Variants in KHDRBS2 observed in about 807,000 individuals in gnomAD.
KHDRBS2 encodes the protein KH RNA binding domain containing, signal transduction associated 2.
In KHDRBS2, 26 loss-of-function variants were observed where a neutral mutation model predicts 44.3. That is an observed-to-expected ratio of 0.59 (90% CI 0.43 to 0.81). KHDRBS2 has a LOEUF of 0.81. Ranked by LOEUF, KHDRBS2 falls within the 40% of genes least tolerant of loss-of-function variation. The probability of loss-of-function intolerance (pLI) is 0.00; values close to 1 mark genes in which losing one functional copy is unlikely to be tolerated. For synonymous variants in KHDRBS2, 194 were observed against 151.1 expected (o/e 1.28, Z -2.08); for missense variants, 476 against 433.1 (o/e 1.10, Z -0.88).
At chr6:61,546,342 G>A in the KHDRBS2 span, among the ~76,000 whole-genome samples, 26 of 151,948 alleles carry the variant, frequency 1.7e-4, no homozygotes, top group South Asian at 5.4e-3. Context: ...ATAACCACAG[G>A]TTATTGTGCT....
At chr6:61,775,894 T>C (rs1370462485) in intron 6 of KHDRBS2, among the ~76,000 whole-genome samples, 3 of 152,144 alleles carry the variant, frequency 2.0e-5, no homozygotes, top group Non-Finnish European at 2.9e-5. Context: ...TCAAATATAC[T>C]ACAAGGCCAC....
At chr6:62,103,539 C>T (rs1197278963) in intron 2 of KHDRBS2, among the ~76,000 whole-genome samples, 3 of 147,530 alleles carry the variant, frequency 2.0e-5, no homozygotes, top group Middle Eastern at 6.8e-3. Flanking sequence ...AAGCAGGGAG[C>T]TTCCCGCCCC....
At chr6:61,947,913 AAATAATAATAATAATAATAATAATAAT>A (rs56372678) in intron 4 of KHDRBS2, among the ~76,000 whole-genome samples, 3 of 143,216 alleles carry the variant, frequency 2.1e-5, no homozygotes, top group Non-Finnish European at 4.5e-5. Flanking sequence ...CACACACACA[AAATAATAATAATAATAATAATAATAAT>A]AATAATAATA....
At chr6:61,954,486 CGT>C (rs1562510196) in intron 4 of KHDRBS2, among the ~76,000 whole-genome samples, 3 of 127,696 alleles carry the variant, frequency 2.3e-5, no homozygotes, top group African/African-American at 9.4e-5. Flanking sequence ...TATACACATG[CGT>C]ATGTATGTAT....
chr6:61,783,535 A>C (rs995385313), intron 6 of KHDRBS2, among the ~76,000 whole-genome samples: 15 of 152,274 alleles, frequency 9.9e-5, no homozygotes, highest in African/African-American at 2.9e-4. Flanking sequence ...GATAAAAAAG[A>C]CATAGCTCCT....
chr6:62,127,072 T>C (rs1288016520), intron 2 of KHDRBS2, among the ~76,000 whole-genome samples: 1 of 152,198 alleles, frequency 6.6e-6, no homozygotes, highest in Non-Finnish European at 1.5e-5. Flanking sequence ...ATTGTCTTAC[T>C]CTCACCAACT....
intron 3 of KHDRBS2, among the ~76,000 whole-genome samples, chr6:62,014,382 A>G (rs1349576637): frequency 1.3e-5 from 2 of 152,130 alleles, no homozygotes; most frequent in South Asian, 2.1e-4. Context: ...TTAAAACCCA[A>G]TCTTTTGATT....
chr6:62,010,796 T>C (rs1780158333), intron 3 of KHDRBS2, among the ~76,000 whole-genome samples: 1 of 152,210 alleles, frequency 6.6e-6, no homozygotes, highest in Non-Finnish European at 1.5e-5. Context: ...CTGTTAAATA[T>C]TTTAATGAAA....
At chr6:61,632,641 C>T in the KHDRBS2 span, among the ~76,000 whole-genome samples, 1 of 152,054 alleles carries the variant, frequency 6.6e-6, no homozygotes, top group Non-Finnish European at 1.5e-5. Context: ...ATATGTAATT[C>T]TGTTGTTGCC....
intron 6 of KHDRBS2, among the ~76,000 whole-genome samples, chr6:61,760,662 A>G (rs541985292): frequency 1.8e-3 from 268 of 152,278 alleles, no homozygotes; most frequent in African/African-American, 5.9e-3. Context: ...AGAAAAAAAA[A>G]GAAAAGCCAT....
chr6:62,273,476 T>G (rs1271692960), intron 1 of KHDRBS2, among the ~76,000 whole-genome samples: 1 of 152,200 alleles, frequency 6.6e-6, no homozygotes, highest in African/African-American at 2.4e-5. Context: ...AAATACCCTA[T>G]TTACCCGATA....
At chr6:62,067,701 T>A (rs1295115556) in intron 2 of KHDRBS2, among the ~76,000 whole-genome samples, 22 of 151,598 alleles carry the variant, frequency 1.5e-4, no homozygotes, top group Non-Finnish European at 1.5e-5. Flanking sequence ...AAGTCCTCTG[T>A]AAAAAAATCC....
chr6:61,858,288 C>T (rs570841122), intron 6 of KHDRBS2, among the ~76,000 whole-genome samples: 28 of 150,680 alleles, frequency 1.9e-4, no homozygotes, highest in African/African-American at 5.8e-4. Flanking sequence ...AACATTTTTC[C>T]GTATTATGCA....
intron 7 of KHDRBS2, among the ~76,000 whole-genome samples, chr6:61,700,208 T>C (rs1379791202): frequency 1.3e-5 from 2 of 151,830 alleles, no homozygotes; most frequent in African/African-American, 4.8e-5. Flanking sequence ...GCCCCGATCA[T>C]GTTCCCCAAA....
chr6:62,227,213 A>G (rs1010002599), intron 1 of KHDRBS2, among the ~76,000 whole-genome samples: 12 of 152,160 alleles, frequency 7.9e-5, no homozygotes, highest in Non-Finnish European at 1.6e-4. Context: ...AGCGGTTTGT[A>G]GTTCCCTTTT....
intron 6 of KHDRBS2, among the ~76,000 whole-genome samples, chr6:61,798,010 C>G (rs575606906): frequency 6.6e-6 from 1 of 152,002 alleles, no homozygotes; most frequent in South Asian, 2.1e-4. Context: ...TCAACCCTCA[C>G]CCTCCTCCCA....
the KHDRBS2 span, among the ~76,000 whole-genome samples, chr6:61,557,933 G>T: frequency 6.6e-6 from 1 of 152,044 alleles, no homozygotes; most frequent in Admixed American, 6.6e-5. Flanking sequence ...TCATACAGTT[G>T]CTCCAAGTAA....
At chr6:61,953,676 C>T (rs897216876) in intron 4 of KHDRBS2, among the ~76,000 whole-genome samples, 10 of 151,830 alleles carry the variant, frequency 6.6e-5, no homozygotes, top group East Asian at 5.8e-4. Context: ...CATTTTTCTG[C>T]GGGAAAATAA....
At chr6:61,589,440 T>C in the KHDRBS2 span, among the ~76,000 whole-genome samples, 1 of 152,214 alleles carries the variant, frequency 6.6e-6, no homozygotes, top group African/African-American at 2.4e-5. Context: ...AGTAAGTATG[T>C]ATTTCAGCAA....
Sources: gnomAD v4.1 joint callset for allele counts (sites outside exome capture counted in the v4.1 genomes callset) on GRCh38, gnomAD v4.1.1 for gene constraint, MANE v1.5 for transcripts, NCBI Gene and HGNC (gene_info 2026-07-23, HGNC 2026-07-21) for gene names.